KHDRBS2: variants seen among roughly 807,000 people sequenced by gnomAD.
The protein encoded by KHDRBS2 is KH RNA binding domain containing, signal transduction associated 2.
A neutral mutation model predicts 44.3 loss-of-function variants in KHDRBS2; 26 were observed. The observed-to-expected ratio is 0.59, with a 90% CI of 0.43 to 0.81. KHDRBS2 has a LOEUF of 0.81. Among genes scored for constraint, KHDRBS2 ranks in the 40% least tolerant of loss-of-function variants. The probability of loss-of-function intolerance (pLI) is 0.00; values close to 1 mark genes in which losing one functional copy is unlikely to be tolerated. For synonymous variants in KHDRBS2, 194 were observed against 151.1 expected (o/e 1.28, Z -2.08); for missense variants, 476 against 433.1 (o/e 1.10, Z -0.88).
intron 6 of KHDRBS2, among the ~76,000 whole-genome samples, chr6:61,829,455 C>A (rs539482097): frequency 6.6e-6 from 1 of 151,994 alleles, no homozygotes; most frequent in Non-Finnish European, 1.5e-5. Flanking sequence ...TGAGCCACTG[C>A]GCCCTATTGG....
the KHDRBS2 span, among the ~76,000 whole-genome samples, chr6:61,653,757 G>A: frequency 1.3e-5 from 2 of 151,974 alleles, no homozygotes; most frequent in African/African-American, 4.8e-5. Context: ...TAGTTACTTG[G>A]CTTAGAATTT....
At chr6:61,652,661 G>T in the KHDRBS2 span, among the ~76,000 whole-genome samples, 4 of 151,982 alleles carry the variant, frequency 2.6e-5, no homozygotes, top group African/African-American at 9.7e-5. Flanking sequence ...AAGAAAAGTG[G>T]CAAAGGGGAC....
intron 4 of KHDRBS2, among the ~76,000 whole-genome samples, chr6:61,960,979 A>G (rs1385086724): frequency 6.6e-6 from 1 of 152,104 alleles, no homozygotes; most frequent in Non-Finnish European, 1.5e-5. Flanking sequence ...TTATAATACA[A>G]TTGAAGTAGT....
chr6:61,788,910 A>G (rs1784222490), intron 6 of KHDRBS2, among the ~76,000 whole-genome samples: 1 of 151,346 alleles, frequency 6.6e-6, no homozygotes, highest in African/African-American at 2.4e-5. Flanking sequence ...TACATATAAA[A>G]ATAGTGAAGA....
intron 6 of KHDRBS2, among the ~76,000 whole-genome samples, chr6:61,734,959 C>T (rs1449965047): frequency 2.0e-5 from 3 of 152,134 alleles, no homozygotes; most frequent in African/African-American, 7.2e-5. Context: ...TTTCCTAAGG[C>T]CTCTTTCACC....
chr6:61,662,652 C>T, the KHDRBS2 span, among the ~76,000 whole-genome samples: 8 of 151,936 alleles, frequency 5.3e-5, no homozygotes, highest in South Asian at 1.7e-3. Context: ...TGAAAAAATG[C>T]TCATCATCAC....
chr6:61,738,612 G>A, intron 6 of KHDRBS2, among the ~76,000 whole-genome samples: 1 of 151,920 alleles, frequency 6.6e-6, no homozygotes, highest in East Asian at 1.9e-4. Context: ...ATGAATTATA[G>A]ACCACTTCAC....
the KHDRBS2 span, among the ~76,000 whole-genome samples, chr6:61,646,897 G>T: frequency 6.6e-6 from 1 of 152,044 alleles, no homozygotes; most frequent in Non-Finnish European, 1.5e-5. Flanking sequence ...TTGGCTCACT[G>T]CAACCTCCTC....
At chr6:61,835,091 A>G (rs1179907048) in intron 6 of KHDRBS2, among the ~76,000 whole-genome samples, 6 of 152,034 alleles carry the variant, frequency 3.9e-5, no homozygotes, top group African/African-American at 7.2e-5. Flanking sequence ...CAGGTTTTTA[A>G]GTTTGCCAAT....
chr6:62,066,065 T>C (rs1273447233), intron 2 of KHDRBS2, among the ~76,000 whole-genome samples: 1 of 151,704 alleles, frequency 6.6e-6, no homozygotes, highest in African/African-American at 2.4e-5. Context: ...CTTTGCCATA[T>C]TTATACAACT....
At chr6:61,961,657 C>T (rs1768757168) in intron 4 of KHDRBS2, among the ~76,000 whole-genome samples, 1 of 151,962 alleles carries the variant, frequency 6.6e-6, no homozygotes, top group African/African-American at 2.4e-5. Flanking sequence ...AGGGTTCGCT[C>T]AAAGACCCTA....
At chr6:61,829,870 G>C (rs1452959107) in intron 6 of KHDRBS2, among the ~76,000 whole-genome samples, 1 of 152,074 alleles carries the variant, frequency 6.6e-6, no homozygotes, top group Non-Finnish European at 1.5e-5. Flanking sequence ...AGGTGTCATG[G>C]CCAGATTACT....
At chr6:61,584,553 G>A in the KHDRBS2 span, among the ~76,000 whole-genome samples, 25 of 151,684 alleles carry the variant, frequency 1.6e-4, no homozygotes, top group South Asian at 2.1e-4. Context: ...TTAGTAAAAC[G>A]TTTATCATTT....
At chr6:61,865,887 T>A (rs569167696) in intron 6 of KHDRBS2, among the ~76,000 whole-genome samples, 1 of 152,342 alleles carries the variant, frequency 6.6e-6, no homozygotes, top group African/African-American at 2.4e-5. Flanking sequence ...CTATGTCTCA[T>A]ATCCAGGTCA....
At chr6:62,008,664 C>CT (rs1427592111) in intron 3 of KHDRBS2, among the ~76,000 whole-genome samples, 3 of 152,088 alleles carry the variant, frequency 2.0e-5, no homozygotes, top group Non-Finnish European at 4.4e-5. Context: ...GTGGGAGGAA[C>CT]CCCATGGGAG....
chr6:62,114,077 T>C (rs1805642566), intron 2 of KHDRBS2, among the ~76,000 whole-genome samples: 1 of 152,088 alleles, frequency 6.6e-6, no homozygotes. Flanking sequence ...TCAGATCTCA[T>C]GAGATCTCAC....
At chr6:61,674,106 A>G in the KHDRBS2 span, among the ~76,000 whole-genome samples, 1 of 151,822 alleles carries the variant, frequency 6.6e-6, no homozygotes, top group African/African-American at 2.4e-5. Flanking sequence ...AATTTAGATT[A>G]TAAATGAATT....
chr6:62,020,939 T>C (rs1782165897), intron 3 of KHDRBS2, among the ~76,000 whole-genome samples: 1 of 152,038 alleles, frequency 6.6e-6, no homozygotes. Flanking sequence ...CATATGTGCA[T>C]TGCAGCACTA....
chr6:62,056,438 C>T (rs1030330267), intron 2 of KHDRBS2, among the ~76,000 whole-genome samples: 3 of 151,818 alleles, frequency 2.0e-5, no homozygotes, highest in African/African-American at 7.3e-5. Context: ...AATCCATGAT[C>T]TTGGTAATCT....
Sources: allele counts gnomAD v4.1 joint callset (sites outside exome capture counted in the v4.1 genomes callset), GRCh38; gene constraint gnomAD v4.1.1; transcripts MANE v1.5; gene names NCBI Gene and HGNC (gene_info 2026-07-23, HGNC 2026-07-21).